Variants in ABTB3 observed in about 807,000 individuals in gnomAD.
ABTB3 encodes ankyrin repeat- and BTB/POZ domain-containing protein 3.
the ABTB3 span, among the ~76,000 whole-genome samples, chr12:107,584,106 A>G: frequency 0.051 from 7,827 of 152,288 alleles, 661 homozygotes; most frequent in African/African-American, 0.18. Flanking sequence ...TTTTCAGACT[A>G]GTCAACATAC....
the ABTB3 span, among the ~76,000 whole-genome samples, chr12:107,469,705 C>T: frequency 1.3e-5 from 2 of 152,080 alleles, no homozygotes; most frequent in African/African-American, 2.4e-5. Context: ...AAGGACAGTG[C>T]CTGGCACACA....
the ABTB3 span, among the ~76,000 whole-genome samples, chr12:107,575,661 C>T: frequency 6.6e-6 from 1 of 152,126 alleles, no homozygotes; most frequent in Non-Finnish European, 1.5e-5. Context: ...TAGCTCATGG[C>T]CCCTTCCTCT....
chr12:107,469,843 C>CTT, the ABTB3 span, among the ~76,000 whole-genome samples: 2 of 148,392 alleles, frequency 1.3e-5, no homozygotes, highest in African/African-American at 5.0e-5. Flanking sequence ...CTTCCTTTCT[C>CTT]TCTCTTTCTC....
At chr12:107,622,176 C>A in the ABTB3 span, among the ~76,000 whole-genome samples, 4 of 152,188 alleles carry the variant, frequency 2.6e-5, no homozygotes, top group East Asian at 7.7e-4. Flanking sequence ...GCATCCCCTA[C>A]TGGTGAAATG....
the ABTB3 span, among the ~76,000 whole-genome samples, chr12:107,496,807 G>C: frequency 6.6e-6 from 1 of 152,172 alleles, no homozygotes; most frequent in African/African-American, 2.4e-5. Flanking sequence ...TTTAGCCAGA[G>C]AGTCAATAAG....
At chr12:107,507,057 G>C in the ABTB3 span, among the ~76,000 whole-genome samples, 1 of 152,156 alleles carries the variant, frequency 6.6e-6, no homozygotes, top group Non-Finnish European at 1.5e-5. Flanking sequence ...GAATGTTCAA[G>C]ATGGCAGTGA....
chr12:107,396,141 A>G, the ABTB3 span, among the ~76,000 whole-genome samples: 1 of 152,212 alleles, frequency 6.6e-6, no homozygotes, highest in Non-Finnish European at 1.5e-5. Context: ...CTTGTATTTC[A>G]AACCCTTTAG....
the ABTB3 span, among the ~76,000 whole-genome samples, chr12:107,369,951 G>T: frequency 6.6e-6 from 1 of 151,998 alleles, no homozygotes; most frequent in African/African-American, 2.4e-5. Flanking sequence ...TTACAGCCAC[G>T]TGAACTTGAA....
the ABTB3 span, among the ~76,000 whole-genome samples, chr12:107,349,970 A>G: frequency 1.3e-5 from 2 of 152,190 alleles, no homozygotes; most frequent in African/African-American, 2.4e-5. Flanking sequence ...CAGGCTTGTC[A>G]AATACCCCGG....
chr12:107,415,456 C>G, the ABTB3 span, among the ~76,000 whole-genome samples: 1 of 152,014 alleles, frequency 6.6e-6, no homozygotes, highest in Admixed American at 6.6e-5. Flanking sequence ...CACCTGTAAT[C>G]CGAGCACTTT....
the ABTB3 span, chr12:107,617,071 G>T: frequency 6.2e-7 from 1 of 1,612,958 alleles, no homozygotes; most frequent in Non-Finnish European, 8.5e-7. Context: ...CGTCTCAATG[G>T]CCGCTCTTCC....
the ABTB3 span, among the ~76,000 whole-genome samples, chr12:107,540,725 T>C: frequency 1.3e-5 from 2 of 152,110 alleles, no homozygotes; most frequent in African/African-American, 4.8e-5. Context: ...GGCTCACTCA[T>C]ATAATCCCAG....
the ABTB3 span, among the ~76,000 whole-genome samples, chr12:107,552,905 C>T: frequency 2.0e-5 from 3 of 152,180 alleles, no homozygotes; most frequent in Non-Finnish European, 4.4e-5. Context: ...ATAGTAAGTG[C>T]TCAATAAATA....
At chr12:107,388,538 T>C in the ABTB3 span, among the ~76,000 whole-genome samples, 1 of 150,570 alleles carries the variant, frequency 6.6e-6, no homozygotes, top group East Asian at 2.0e-4. Context: ...TTCCTCCTCT[T>C]CATCTTCCTT....
At chr12:107,589,935 A>C in the ABTB3 span, among the ~76,000 whole-genome samples, 1 of 152,168 alleles carries the variant, frequency 6.6e-6, no homozygotes, top group Non-Finnish European at 1.5e-5. Flanking sequence ...TTTGAGACGG[A>C]GTCTCACTCT....
At chr12:107,470,327 C>T in the ABTB3 span, among the ~76,000 whole-genome samples, 602 of 152,226 alleles carry the variant, frequency 4.0e-3, 16 homozygotes, top group East Asian at 8.5e-3. Flanking sequence ...CGTGAGCCAC[C>T]GTGCCTGGCT....
chr12:107,340,379 T>A, the ABTB3 span, among the ~76,000 whole-genome samples: 1 of 152,208 alleles, frequency 6.6e-6, no homozygotes, highest in Non-Finnish European at 1.5e-5. Flanking sequence ...CATTCTCAAA[T>A]GCATACACAC....
chr12:107,434,095 C>A, the ABTB3 span, among the ~76,000 whole-genome samples: 2 of 152,228 alleles, frequency 1.3e-5, no homozygotes, highest in Admixed American at 6.5e-5. Flanking sequence ...GTGGAATTTG[C>A]AGGACACAGG....
At chr12:107,487,267 T>C in the ABTB3 span, among the ~76,000 whole-genome samples, 1 of 152,136 alleles carries the variant, frequency 6.6e-6, no homozygotes. Flanking sequence ...CTCAAAGAAG[T>C]TGGGCTCAGC....
Sources: allele counts gnomAD v4.1 joint callset (sites outside exome capture counted in the v4.1 genomes callset), GRCh38; gene constraint gnomAD v4.1.1; transcripts MANE v1.5; gene names NCBI Gene and HGNC (gene_info 2026-07-23, HGNC 2026-07-21).